FBH1: variants seen among roughly 807,000 people sequenced by gnomAD.
FBH1 encodes the protein F-box DNA helicase 1, also known as DNA 3'-5' helicase 1.
Under a neutral mutation model 115.5 loss-of-function variants are expected in FBH1, and 43 were observed. The observed-to-expected ratio is 0.37, with a 90% CI of 0.29 to 0.48. The LOEUF (loss-of-function observed/expected upper bound fraction) is 0.48, where lower values mean the gene tolerates loss of function less well. FBH1 is among the 20% of genes least tolerant of loss of function. The probability of loss-of-function intolerance (pLI) is 0.99; values close to 1 mark genes in which losing one functional copy is unlikely to be tolerated. For synonymous variants in FBH1, 524 were observed against 507.8 expected, an observed-to-expected ratio of 1.03 and a Z score of -0.43; for missense variants, 1,001 against 1,337.3, an observed-to-expected ratio of 0.75 and a Z score of 3.92.
At position 5,909,135 on chromosome 10, in the gene FBH1, G is replaced by A; in HGVS notation, c.885-24G>A. The A allele has an allele frequency of 6.2e-7, 1 of 1,613,334 alleles. No homozygotes were observed. Among genetic ancestry groups the A allele is most frequent in the East Asian group, 2.2e-5 (1 of 44,872 alleles). On this transcript the variant is annotated intron_variant, in intron 4 of 20. Coordinates refer to ENST00000362091, the MANE Select transcript of FBH1 (RefSeq NM_178150.3). The surrounding 1 kb of genome is among the most constrained non-coding windows in gnomAD (Gnocchi z 4.4). ...AGTGCTTATGGTCACCCTACTCATG[G>A]CCTCTCCTGTGAATGTCTTACAGAT...
At position 5,936,416 on chromosome 10, in the gene FBH1, G is replaced by A. The variant is rs772393986; in HGVS notation, c.2830-40G>A. 75 of 1,606,276 alleles carry A rather than the reference G, an allele frequency of 4.7e-5. 1 individual carries two copies. The highest frequency in any genetic ancestry group is 5.6e-5 in the Non-Finnish European group (66 of 1,176,120). On this transcript the variant is annotated intron_variant, in intron 19 of 20. Transcript: ENST00000362091. This position sits in a 1 kb window ranked among gnomAD's most constrained non-coding sequence, Gnocchi z 5.6. ...AGTGTTTCCAGTAGACCCTAACGGA[G>A]GTGTCGCCATGACTCTCTTTCTCGC...
At position 5,937,515 on chromosome 10, in the gene FBH1, G is replaced by T; in HGVS notation, c.*235G>T. 2.2e-5 allele frequency: 5 copies of T among 228,814 alleles called. No homozygotes were observed. Among genetic ancestry groups the T allele is most frequent in the Non-Finnish European group, 2.9e-5 (4 of 140,316 alleles). 14.2% of individuals were successfully genotyped at this position (228,814 alleles called of 1,614,324 possible). A position where few individuals can be genotyped will look rare whatever the true frequency, so the allele number is the denominator to read the frequency against. ...TCAGGGAAGTGGGGGATGTTCTTTTGATAAAAAAAAAAAAAAAAATTTATG... is the reference window on the plus strand; with the variant it reads ...TCAGGGAAGTGGGGGATGTTCTTTTTATAAAAAAAAAAAAAAAAATTTATG... On this transcript the variant is annotated 3_prime_UTR_variant, in exon 21 of 21. Transcript: ENST00000362091.
At chr10:5,894,881 A>T (rs1221510547) in intron 1 of FBH1, among the ~76,000 whole-genome samples, 1 of 152,254 alleles carries the variant, frequency 6.6e-6, no homozygotes, top group African/African-American at 2.4e-5. Context: ...ACAATAATTC[A>T]TATAAGACAC....
In FBH1 at chr10:5,897,736, C is replaced by A. The variant is rs575163070; in HGVS notation, c.2-5284C>A. 3.2e-4 allele frequency among the ~76,000 whole-genome samples: 49 copies of A among 152,280 alleles called. No homozygotes were observed. Among genetic ancestry groups the A allele is most frequent in the African/African-American group, 1.1e-3 (44 of 41,548 alleles). On this transcript the variant is annotated intron_variant, in intron 1 of 20. Transcript: ENST00000362091. The surrounding 1 kb of genome is among the most constrained non-coding windows in gnomAD (Gnocchi z 4.7). Reference sequence around the variant, plus strand: ...CTCCCAGGGTGGCTTCATGCCAGAACATATTGGAATATACCGGGACTCCCT... The same window carrying A: ...CTCCCAGGGTGGCTTCATGCCAGAAAATATTGGAATATACCGGGACTCCCT...
At chr10:5,928,935 T>C (rs1421557357) in intron 19 of FBH1, among the ~76,000 whole-genome samples, 1 of 152,184 alleles carries the variant, frequency 6.6e-6, no homozygotes, top group Non-Finnish European at 1.5e-5. Context: ...CAGTGCCATA[T>C]TGCCTACTCT....
rs1231343331 is a variant in FBH1 at position 5,892,650 on chromosome 10, TAAAACTA to T, written c.1+2305_1+2311del. On this transcript the variant is annotated intron_variant, in intron 1 of 20. Coordinates refer to ENST00000362091, the MANE Select transcript of FBH1 (RefSeq NM_178150.3). Reference sequence around the variant, plus strand: ...ATAACTTAAAGCCAGAAATTATTTTTAAAACTAGGACTTTCAGCCTCCCTCTCACTCC... The same window carrying T: ...ATAACTTAAAGCCAGAAATTATTTTTGGACTTTCAGCCTCCCTCTCACTCC... 5.3e-5 allele frequency among the ~76,000 whole-genome samples: 8 copies of T among 152,240 alleles called. No individual in the cohort carries two copies. The East Asian group carries it at 1.5e-3, about 29-fold the overall frequency.
At chr10:5,896,996 A>G (rs1015728680) in intron 1 of FBH1, among the ~76,000 whole-genome samples, 3 of 152,212 alleles carry the variant, frequency 2.0e-5, no homozygotes, top group Non-Finnish European at 4.4e-5. Flanking sequence ...TAAGAATAGA[A>G]GGGTGATTAG....
rs1167240626 is a variant in FBH1, at chr10:5,900,811, G to A, written c.2-2209G>A. Reference sequence around the variant, plus strand: ...ATGTATTTTCAAGCTTAAAGGAAATGTCAAGCTGGGCACAGTGGCTCACAT... The same window carrying A: ...ATGTATTTTCAAGCTTAAAGGAAATATCAAGCTGGGCACAGTGGCTCACAT... On this transcript the variant is annotated intron_variant, in intron 1 of 20. Coordinates refer to ENST00000362091, the MANE Select transcript of FBH1 (RefSeq NM_178150.3). The surrounding 1 kb of genome is among the most constrained non-coding windows in gnomAD (Gnocchi z 4.2). Among the ~76,000 whole-genome samples, 2 of 152,132 alleles carry A rather than the reference G, an allele frequency of 1.3e-5. No individual in the cohort carries two copies. Among genetic ancestry groups the A allele is most frequent in the East Asian group, 3.9e-4 (2 of 5,192 alleles).
rs748371990 is a variant in FBH1 at position 5,937,181 on chromosome 10, G to A, written c.3033G>A (p.Ala1011=). ...SCAEQRIGPL[A]FLTASPEQVR... ...CGGAGCAGCGCATCGGGCCCCTGGC[G>A]TTCCTGACAGCCTCCCCGGAGCAGG... The change falls in exon 21 of 21, where the codon GCG becomes GCA. Residue 1011 remains alanine, a synonymous_variant. Coordinates refer to ENST00000362091, the MANE Select transcript of FBH1 (RefSeq NM_178150.3). The A allele has an allele frequency of 3.1e-5, 50 of 1,613,972 alleles. No homozygotes were observed. The highest frequency in any genetic ancestry group is 1.8e-4 in the South Asian group (16 of 91,030).
In FBH1 at chr10:5,921,128, T is replaced by G; in HGVS notation, c.2101-130T>G. The G allele has an allele frequency of 1.4e-6, 1 of 722,588 alleles. No homozygotes were observed. The highest frequency in any genetic ancestry group is 2.7e-5 in the East Asian group (1 of 37,158). 44.8% of individuals were successfully genotyped at this position (722,588 alleles called of 1,614,324 possible). A position where few individuals can be genotyped will look rare whatever the true frequency, so the allele number is the denominator to read the frequency against. On this transcript the variant is annotated intron_variant, in intron 13 of 20. Transcript: ENST00000362091. The surrounding 1 kb of genome is among the most constrained non-coding windows in gnomAD (Gnocchi z 6.4). Reference sequence around the variant, plus strand: ...GGACCTTGAAAGTGAGCCTGTGAAGTTCGCTTTCCATGCGGGGGGTCAGGA... The same window carrying G: ...GGACCTTGAAAGTGAGCCTGTGAAGGTCGCTTTCCATGCGGGGGGTCAGGA...
In FBH1 at chr10:5,916,393, C is replaced by T. The variant is rs545806935; in HGVS notation, c.1725C>T (p.His575=). ...CTGACGAAGAGCTGACCATTGATCA[C>T]GTGCCTATTTGGTGTAAGAACAGCC... is the stretch of plus-strand genomic sequence containing the variant. ...ASADEELTID[H]VPIWCKNSQG... is the part of the protein sequence containing the mutation. The change falls in exon 10 of 21, where the codon CAC becomes CAT. Residue 575 remains histidine, a synonymous_variant. Coordinates refer to ENST00000362091, the MANE Select transcript of FBH1 (RefSeq NM_178150.3). The T allele has an allele frequency of 1.1e-5, 18 of 1,614,154 alleles. No homozygotes were observed. Among genetic ancestry groups the T allele is most frequent in the African/African-American group, 5.3e-5 (4 of 75,034 alleles).
At chr10:5,890,660 G>A (rs1274486134) in intron 1 of FBH1, among the ~76,000 whole-genome samples, 3 of 152,112 alleles carry the variant, frequency 2.0e-5, no homozygotes, top group African/African-American at 7.2e-5. Context: ...GGGCAAGCGC[G>A]GGGACGTGGC....
intron 10 of FBH1, among the ~76,000 whole-genome samples, chr10:5,916,849 G>A (rs1013930623): frequency 6.6e-6 from 1 of 152,172 alleles, no homozygotes; most frequent in Non-Finnish European, 1.5e-5. Context: ...GAATTGTTGG[G>A]TATTTTCTCC....
intron 10 of FBH1, 27 bp downstream of exon 10, chr10:5,916,483 A>C: frequency 6.4e-7 from 1 of 1,563,032 alleles, no homozygotes; most frequent in African/African-American, 1.4e-5. Flanking sequence ...CTGAAGTGTT[A>C]GGGATCTGAG....
chr10:5,922,632 A>C (rs2132053136), intron 15 of FBH1, among the ~76,000 whole-genome samples: 1 of 152,316 alleles, frequency 6.6e-6, no homozygotes, highest in African/African-American at 2.4e-5. Context: ...TTATAATGTC[A>C]ACTGTGTTAT....
chr10:5,904,116 T>C (rs1843547021), intron 2 of FBH1, among the ~76,000 whole-genome samples: 1 of 152,124 alleles, frequency 6.6e-6, no homozygotes, highest in South Asian at 2.1e-4. Context: ...AGTGGCACCA[T>C]TTCAGCTCAC....
At chr10:5,898,123 G>A (rs1455753889) in intron 1 of FBH1, among the ~76,000 whole-genome samples, 1 of 152,200 alleles carries the variant, frequency 6.6e-6, no homozygotes, top group Non-Finnish European at 1.5e-5. Flanking sequence ...TTCACAGAAC[G>A]TGTGCTGCCT....
rs1356767434 is a variant in FBH1 at position 5,917,199 on chromosome 10, C to T, written c.1789-221C>T. 1.8e-6 allele frequency: 1 copy of T among 571,240 alleles called. No homozygotes were observed. The highest frequency in any genetic ancestry group is 3.1e-6 in the Non-Finnish European group (1 of 317,766). The allele number at this position is 571,240 out of a possible 1,614,324, so 35.4% of individuals were successfully genotyped here. A position where few individuals can be genotyped will look rare whatever the true frequency, so the allele number is the denominator to read the frequency against. On this transcript the variant is annotated intron_variant, in intron 10 of 20. Transcript: ENST00000362091. This position sits in a 1 kb window ranked among gnomAD's most constrained non-coding sequence, Gnocchi z 5.6. ...CTAACTGTTATGATCTCTGTCCTGT[C>T]ACGGGCATGGCACGGCCCGGCTGCT...
chr10:5,921,594 C>A lies in FBH1; in HGVS notation c.2322+25C>A. On this transcript the variant is annotated intron_variant, in intron 15 of 20. Transcript: ENST00000362091. The surrounding 1 kb of genome is among the most constrained non-coding windows in gnomAD (Gnocchi z 6.4). ...GGTAAGAGTACATTTCTGTTGACCA[C>A]TTCATGCACAGAAACGTTGTAGACG... is the stretch of plus-strand genomic sequence containing the variant. 6.3e-7 allele frequency: 1 copy of A among 1,584,466 alleles called. No individual in the cohort carries two copies. Among genetic ancestry groups the A allele is most frequent in the Non-Finnish European group, 8.5e-7 (1 of 1,173,024 alleles).
Sources: allele counts gnomAD v4.1 joint callset (sites outside exome capture counted in the v4.1 genomes callset), GRCh38; gene constraint gnomAD v4.1.1; non-coding constraint Gnocchi (gnomAD v3.1); transcripts MANE v1.5; gene names NCBI Gene and HGNC (gene_info 2026-07-23, HGNC 2026-07-21).